The following CACNA2D1 variants were observed in gnomAD, a reference collection of about 807,000 sequenced individuals.
CACNA2D1 encodes voltage-dependent calcium channel subunit alpha-2/delta-1.
CACNA2D1 carries 53 observed loss-of-function variants against 171.5 expected under a neutral mutation model. The observed-to-expected ratio is 0.31, with a 90% confidence interval of 0.25 to 0.39. The LOEUF is 0.39. CACNA2D1 is among the 10% of genes least tolerant of loss of function. The probability of loss-of-function intolerance (pLI) is 1.00; values close to 1 mark genes in which losing one functional copy is unlikely to be tolerated. For missense variants in CACNA2D1, 903 were observed against 1,299.8 expected, an observed-to-expected ratio of 0.69 and a Z score of 4.69; for synonymous variants, 442 against 443.1, an observed-to-expected ratio of 1.00 and a Z score of 0.03.
chr7:82,118,976 A>G (rs1584813381), intron 5 of CACNA2D1, among the ~76,000 whole-genome samples: 1 of 152,188 alleles, frequency 6.6e-6, no homozygotes, highest in African/African-American at 2.4e-5. Flanking sequence ...TCCTTATACC[A>G]TCATACTCCA....
chr7:82,290,776 A>G (rs1811425111), intron 3 of CACNA2D1, among the ~76,000 whole-genome samples: 4 of 151,616 alleles, frequency 2.6e-5, no homozygotes. Flanking sequence ...TTGTATTTTT[A>G]GTAGAGATGG....
chr7:82,000,059 G>A (rs561940772), intron 18 of CACNA2D1, among the ~76,000 whole-genome samples: 1 of 152,144 alleles, frequency 6.6e-6, no homozygotes, highest in African/African-American at 2.4e-5. Context: ...AGGAGATCAA[G>A]ACCATGCTGG....
chr7:82,060,192 A>T (rs1319099312), intron 10 of CACNA2D1, among the ~76,000 whole-genome samples: 1 of 9,760 alleles, frequency 1.0e-4, no homozygotes, highest in African/African-American at 2.7e-4. Flanking sequence ...TATATATATT[A>T]TATATATATT....
At chr7:82,337,626 C>A (rs901024810) in intron 2 of CACNA2D1, among the ~76,000 whole-genome samples, 1 of 152,130 alleles carries the variant, frequency 6.6e-6, no homozygotes, top group Non-Finnish European at 1.5e-5. Context: ...TGTCCAATTT[C>A]TTTCTCGAAG....
At chr7:82,397,549 C>T (rs1825873657) in intron 1 of CACNA2D1, among the ~76,000 whole-genome samples, 1 of 152,050 alleles carries the variant, frequency 6.6e-6, no homozygotes, top group African/African-American at 2.4e-5. Flanking sequence ...TCTATGCTGA[C>T]AGAGTACACA....
At chr7:82,373,777 G>A (rs1378258908) in intron 1 of CACNA2D1, among the ~76,000 whole-genome samples, 1 of 152,174 alleles carries the variant, frequency 6.6e-6, no homozygotes, top group African/African-American at 2.4e-5. Context: ...AGGGTTGAAT[G>A]TATAAATAGT....
At chr7:82,124,877 C>T (rs1192578669) in intron 5 of CACNA2D1, among the ~76,000 whole-genome samples, 1 of 152,014 alleles carries the variant, frequency 6.6e-6, no homozygotes, top group Non-Finnish European at 1.5e-5. Flanking sequence ...AAGTTACATA[C>T]TATAAGACAG....
intron 1 of CACNA2D1, among the ~76,000 whole-genome samples, chr7:82,425,596 C>T (rs1328600309): frequency 1.4e-5 from 2 of 147,858 alleles, no homozygotes; most frequent in East Asian, 2.1e-4. Context: ...GGCTGGAGTG[C>T]GGCTGCTGGA....
chr7:82,407,889 T>G (rs1827224981), intron 1 of CACNA2D1, among the ~76,000 whole-genome samples: 1 of 152,198 alleles, frequency 6.6e-6, no homozygotes, highest in Non-Finnish European at 1.5e-5. Flanking sequence ...ATAGCCCATC[T>G]ATCCCTGATA....
intron 4 of CACNA2D1, among the ~76,000 whole-genome samples, chr7:82,147,812 C>T (rs946263715): frequency 1.7e-4 from 26 of 152,196 alleles, no homozygotes; most frequent in Middle Eastern, 3.4e-3. Context: ...AAAATTGGAG[C>T]CTCAAAGAAC....
chr7:82,361,068 A>T (rs2129447194), intron 1 of CACNA2D1, among the ~76,000 whole-genome samples: 1 of 152,320 alleles, frequency 6.6e-6, no homozygotes, highest in Admixed American at 6.5e-5. Context: ...AATATATTGC[A>T]ATTTAATTGC....
intron 1 of CACNA2D1, among the ~76,000 whole-genome samples, chr7:82,438,608 G>C (rs952631346): frequency 2.0e-5 from 3 of 152,112 alleles, no homozygotes; most frequent in Admixed American, 6.5e-5. Flanking sequence ...TACATGGTTG[G>C]CCATCACAGC....
At chr7:82,149,783 C>A (rs76406690) in intron 4 of CACNA2D1, among the ~76,000 whole-genome samples, 19,387 of 118,184 alleles carry the variant, frequency 0.16, 1,944 homozygotes, top group East Asian at 0.32. Context: ...AAAAAAAAAA[C>A]AAACAAACAA....
chr7:82,271,141 T>C (rs1808573803), intron 3 of CACNA2D1, among the ~76,000 whole-genome samples: 1 of 152,072 alleles, frequency 6.6e-6, no homozygotes, highest in Non-Finnish European at 1.5e-5. Flanking sequence ...TACCATCCTC[T>C]CTCTCAGAAG....
At chr7:82,050,348 A>G (rs1334222675) in intron 10 of CACNA2D1, 6 of 461,192 alleles carry the variant, frequency 1.3e-5, no homozygotes, top group Non-Finnish European at 2.3e-5. Context: ...AGTCAGAGAC[A>G]AAGAGTTTAT....
At chr7:82,202,045 A>G (rs1799494616) in intron 3 of CACNA2D1, among the ~76,000 whole-genome samples, 1 of 152,222 alleles carries the variant, frequency 6.6e-6, no homozygotes, top group Non-Finnish European at 1.5e-5. Context: ...TGATCCAGCA[A>G]GACACAGCAA....
intron 6 of CACNA2D1, among the ~76,000 whole-genome samples, chr7:82,089,591 C>T (rs982241961): frequency 6.6e-6 from 1 of 152,066 alleles, no homozygotes; most frequent in African/African-American, 2.4e-5. Flanking sequence ...AAAAAACTGG[C>T]CTTGGTGTCA....
chr7:82,040,583 A>T (rs1000810160), intron 10 of CACNA2D1, among the ~76,000 whole-genome samples: 2 of 152,092 alleles, frequency 1.3e-5, no homozygotes, highest in Non-Finnish European at 2.9e-5. Flanking sequence ...GTTTCCATGG[A>T]AACAGGAGAG....
rs187383301 is a variant in CACNA2D1, at chr7:82,284,459, C to T, written c.294+50676G>A. ...CAGTTGTCTTAGTCCATTCAGGCTG[C>T]TGTAACAAAATACCCTAGACTGAGT... On this transcript the variant is annotated intron_variant, in intron 3 of 38. Coordinates refer to ENST00000356860, the MANE Select transcript of CACNA2D1 (RefSeq NM_000722.4). Among the ~76,000 whole-genome samples, 4 of 152,184 alleles carry T rather than the reference C, an allele frequency of 2.6e-5. No homozygotes were observed. The East Asian group carries it at 7.7e-4, about 29-fold the overall frequency.
Sources: gnomAD v4.1 joint callset for allele counts (sites outside exome capture counted in the v4.1 genomes callset) on GRCh38, gnomAD v4.1.1 for gene constraint, MANE v1.5 for transcripts, NCBI Gene and HGNC (gene_info 2026-07-23, HGNC 2026-07-21) for gene names.